The following OSBPL9 variants were observed in gnomAD, a reference collection of about 807,000 sequenced individuals.
OSBPL9 encodes the protein oxysterol-binding protein-related protein 9.
In OSBPL9, 40 loss-of-function variants were observed where a neutral mutation model predicts 106.6. That is an observed-to-expected ratio of 0.38 (90% confidence interval 0.29 to 0.49). The LOEUF is 0.49. OSBPL9 is among the 20% of genes least tolerant of loss of function. OSBPL9 has a pLI of 0.97. For missense variants in OSBPL9, 609 were observed against 887.2 expected (o/e 0.69, Z 3.98); for synonymous variants, 269 against 295.4 (o/e 0.91, Z 0.92).
intron 12 of OSBPL9, among the ~76,000 whole-genome samples, chr1:51,769,749 CA>C (rs1244507555): frequency 3.3e-5 from 5 of 152,010 alleles, no homozygotes; most frequent in African/African-American, 4.8e-5. Flanking sequence ...AAATTTATCC[CA>C]TTTTTTTTCA....
At chr1:51,754,491 A>G (rs992721048) in intron 8 of OSBPL9, among the ~76,000 whole-genome samples, 2 of 152,230 alleles carry the variant, frequency 1.3e-5, no homozygotes, top group African/African-American at 2.4e-5. Flanking sequence ...TGATTTATGT[A>G]GTTTTTATAG....
At chr1:51,633,710 C>T (rs1456872473) in intron 1 of OSBPL9, among the ~76,000 whole-genome samples, 1 of 152,186 alleles carries the variant, frequency 6.6e-6, no homozygotes, top group Non-Finnish European at 1.5e-5. Context: ...CAGCCACAAC[C>T]TCCTGGGCTC....
At chr1:51,681,991 C>G (rs1422140801) in intron 3 of OSBPL9, among the ~76,000 whole-genome samples, 2 of 152,100 alleles carry the variant, frequency 1.3e-5, no homozygotes, top group Non-Finnish European at 2.9e-5. Flanking sequence ...CACCTGAGGT[C>G]AGGAGTTCGA....
chr1:51,621,901 TTA>T (rs1644459412), intron 1 of OSBPL9, among the ~76,000 whole-genome samples: 1 of 152,242 alleles, frequency 6.6e-6, no homozygotes, highest in Non-Finnish European at 1.5e-5. Context: ...TTAATCAAAT[TTA>T]TTTTTTTTCT....
rs1450845021 is a variant in OSBPL9 at position 51,617,551 on chromosome 1, C to T, written c.111+330C>T. 3.9e-5 allele frequency among the ~76,000 whole-genome samples: 6 copies of T among 152,054 alleles called. No individual in the cohort carries two copies. The East Asian group carries it at 1.2e-3, about 29-fold the overall frequency. ...TGATCGTAGTCATGGCTTAAAAGGT[C>T]CAGTCTTGCGGTTCATGCTGTCTTC... On this transcript the variant is annotated intron_variant, in intron 1 of 23. Coordinates refer to ENST00000428468, the MANE Select transcript of OSBPL9 (RefSeq NM_024586.6).
intron 1 of OSBPL9, among the ~76,000 whole-genome samples, chr1:51,641,252 G>C (rs1204711368): frequency 1.3e-5 from 2 of 152,054 alleles, no homozygotes; most frequent in Admixed American, 6.6e-5. Flanking sequence ...TCTCATTGTT[G>C]GTCATTACCT....
intron 1 of OSBPL9, among the ~76,000 whole-genome samples, chr1:51,579,464 T>C (rs1007411569): frequency 2.0e-5 from 3 of 152,194 alleles, no homozygotes; most frequent in Admixed American, 2.0e-4. Flanking sequence ...GATAAAAATA[T>C]GTATTTGCTG....
chr1:51,747,919 A>G (rs1668371381), intron 6 of OSBPL9, among the ~76,000 whole-genome samples: 1 of 152,030 alleles, frequency 6.6e-6, no homozygotes, highest in Non-Finnish European at 1.5e-5. Flanking sequence ...CCTCCCAAGT[A>G]GGTGGGACTA....
At chr1:51,710,398 CATAAG>C (rs924289873) in intron 3 of OSBPL9, among the ~76,000 whole-genome samples, 3 of 152,164 alleles carry the variant, frequency 2.0e-5, no homozygotes, top group African/African-American at 4.8e-5. Flanking sequence ...AAAAAACCCC[CATAAG>C]ATATTATTAA....
chr1:51,524,374 C>T, the OSBPL9 span, among the ~76,000 whole-genome samples: 3 of 152,290 alleles, frequency 2.0e-5, no homozygotes, highest in African/African-American at 7.2e-5. Context: ...AGTTTTGGTC[C>T]TGCAGGTTCT....
intron 8 of OSBPL9, chr1:51,752,710 A>G (rs779022687): frequency 1.3e-4 from 47 of 361,754 alleles, no homozygotes; most frequent in Non-Finnish European, 3.9e-5. Flanking sequence ...CCATGTCTTC[A>G]CATAGTCTTT....
At chr1:51,720,399 T>TA in intron 4 of OSBPL9, among the ~76,000 whole-genome samples, 1 of 150,776 alleles carries the variant, frequency 6.6e-6, no homozygotes, top group East Asian at 1.9e-4. Flanking sequence ...GATCTCGGCT[T>TA]ACTGCAACCT....
rs1646422752 is a variant in OSBPL9, at chr1:51,650,099, A to G, written c.112-1892A>G. Among the ~76,000 whole-genome samples, 3 of 151,830 alleles carry G rather than the reference A, an allele frequency of 2.0e-5. No homozygotes were observed. The South Asian group carries it at 6.2e-4, about 32-fold the overall frequency. ...GCCATGTTGCCCAGGCCGACCTCAAACTCCTGGGCCCAAGTGACCCTCTTG... is the reference window on the plus strand; with the variant it reads ...GCCATGTTGCCCAGGCCGACCTCAAGCTCCTGGGCCCAAGTGACCCTCTTG... On this transcript the variant is annotated intron_variant, in intron 1 of 23. Coordinates refer to ENST00000428468, the MANE Select transcript of OSBPL9 (RefSeq NM_024586.6).
intron 2 of OSBPL9, among the ~76,000 whole-genome samples, chr1:51,668,160 C>A (rs567018264): frequency 6.6e-6 from 1 of 152,290 alleles, no homozygotes; most frequent in Non-Finnish European, 1.5e-5. Context: ...CACGGCTTCT[C>A]TTATCACCTG....
chr1:51,678,199 G>A (rs367695977), intron 3 of OSBPL9, among the ~76,000 whole-genome samples: 3 of 151,636 alleles, frequency 2.0e-5, no homozygotes, highest in Non-Finnish European at 2.9e-5. Context: ...ATAAAAATAC[G>A]TTTTAGTATG....
chr1:51,720,990 G>T, intron 4 of OSBPL9, among the ~76,000 whole-genome samples: 1 of 151,350 alleles, frequency 6.6e-6, no homozygotes, highest in East Asian at 2.0e-4. Context: ...GTAGAGATGG[G>T]GTTTTACCCT....
chr1:51,721,105 G>A (rs2148911019), intron 4 of OSBPL9, among the ~76,000 whole-genome samples: 1 of 151,654 alleles, frequency 6.6e-6, no homozygotes. Context: ...GGCTGAAATT[G>A]GAATTTCATT....
chr1:51,705,369 G>A (rs112549993), intron 3 of OSBPL9, among the ~76,000 whole-genome samples: 2,945 of 97,394 alleles, frequency 0.03, 76 homozygotes, highest in Middle Eastern at 0.13. Context: ...GAGTATTTAG[G>A]GTGTTTCATA....
chr1:51,659,047 G>A (rs2148725250), intron 2 of OSBPL9, among the ~76,000 whole-genome samples: 1 of 152,060 alleles, frequency 6.6e-6, no homozygotes, highest in African/African-American at 2.4e-5. Context: ...TTTTATGAAT[G>A]TTTATACTAT....
Sources: allele counts gnomAD v4.1 joint callset (sites outside exome capture counted in the v4.1 genomes callset), GRCh38; gene constraint gnomAD v4.1.1; transcripts MANE v1.5; gene names NCBI Gene and HGNC (gene_info 2026-07-23, HGNC 2026-07-21).